The following FAM13A variants were observed in gnomAD, a reference collection of about 807,000 sequenced individuals.
The protein encoded by FAM13A is family with sequence similarity 13 member A, also known as protein FAM13A.
In FAM13A, 76 loss-of-function variants were observed where a neutral mutation model predicts 129.6. The observed-to-expected ratio is 0.59, with a 90% CI of 0.49 to 0.71. FAM13A has a LOEUF of 0.71. FAM13A is among the 30% of genes least tolerant of loss of function. The pLI is 0.00. For missense variants in FAM13A, 1,108 were observed against 1,249.3 expected (o/e 0.89, Z 1.70); for synonymous variants, 443 against 449.9 (o/e 0.98, Z 0.20).
chr4:88,913,243 GGAGGAAGAAGAA>G (rs1166277898), intron 5 of FAM13A, among the ~76,000 whole-genome samples: 38 of 133,570 alleles, frequency 2.8e-4, no homozygotes, highest in Admixed American at 3.8e-4. Context: ...AAGAGGAGGA[GGAGGAAGAAGAA>G]GAGGAAGAAG....
At chr4:89,009,340 A>G in intron 3 of FAM13A, among the ~76,000 whole-genome samples, 1 of 152,208 alleles carries the variant, frequency 6.6e-6, no homozygotes, top group East Asian at 1.9e-4. Context: ...ACCCAAAGGT[A>G]CCAGAGATAA....
At chr4:89,050,208 C>CT (rs199909318) in intron 1 of FAM13A, among the ~76,000 whole-genome samples, 2,231 of 151,110 alleles carry the variant, frequency 0.015, 58 homozygotes, top group African/African-American at 0.051. Flanking sequence ...TTCCTCTTCT[C>CT]TTTTTTTTTC....
intron 4 of FAM13A, among the ~76,000 whole-genome samples, chr4:88,951,791 T>C (rs1459168719): frequency 6.6e-6 from 1 of 152,284 alleles, no homozygotes; most frequent in East Asian, 1.9e-4. Context: ...ATCACAGCAT[T>C]TATTAGAGTC....
At chr4:88,737,699 C>T (rs1264106758) in intron 20 of FAM13A, 144 bp from the exon 21 acceptor site, 2 of 697,152 alleles carry the variant, frequency 2.9e-6, no homozygotes, top group African/African-American at 3.7e-5. Context: ...CCAGGAAAAC[C>T]TGAAACAACA....
At chr4:89,000,499 T>A (rs781740491) in intron 3 of FAM13A, among the ~76,000 whole-genome samples, 2 of 152,148 alleles carry the variant, frequency 1.3e-5, no homozygotes, top group Non-Finnish European at 2.9e-5. Context: ...TAGACTGGTC[T>A]TTGCCTAAGG....
chr4:88,814,847 T>C (rs1730397446), intron 7 of FAM13A, among the ~76,000 whole-genome samples: 1 of 151,968 alleles, frequency 6.6e-6, no homozygotes, highest in South Asian at 2.1e-4. Flanking sequence ...TCTGAAGTCT[T>C]TTTTTTGGGG....
chr4:88,921,977 G>A (rs1485208562), intron 5 of FAM13A, among the ~76,000 whole-genome samples: 1 of 151,842 alleles, frequency 6.6e-6, no homozygotes, highest in African/African-American at 2.4e-5. Context: ...ATGGTAAAGG[G>A]ATCAATTCAA....
intron 3 of FAM13A, among the ~76,000 whole-genome samples, chr4:88,992,072 C>G (rs986090369): frequency 6.6e-6 from 1 of 152,160 alleles, no homozygotes; most frequent in Non-Finnish European, 1.5e-5. Context: ...ATTTTCCACC[C>G]ACTGACTGCT....
intron 8 of FAM13A, among the ~76,000 whole-genome samples, chr4:88,795,801 T>C (rs1249031509): frequency 6.6e-6 from 1 of 151,852 alleles, no homozygotes; most frequent in Non-Finnish European, 1.5e-5. Flanking sequence ...ATTTATATAA[T>C]GCAGAAAATT....
intron 7 of FAM13A, among the ~76,000 whole-genome samples, chr4:88,849,739 C>A (rs2149979563): frequency 6.6e-6 from 1 of 152,234 alleles, no homozygotes; most frequent in South Asian, 2.1e-4. Context: ...CTCTGCATCT[C>A]CAGTCTTAAA....
chr4:88,898,928 C>A (rs1283046825), intron 6 of FAM13A, among the ~76,000 whole-genome samples: 2 of 151,694 alleles, frequency 1.3e-5, no homozygotes, highest in Non-Finnish European at 2.9e-5. Context: ...AGGTATCTAC[C>A]CAAAGGAAAA....
intron 5 of FAM13A, among the ~76,000 whole-genome samples, chr4:88,912,206 GA>G (rs1326777262): frequency 7.6e-6 from 1 of 131,246 alleles, no homozygotes; most frequent in Non-Finnish European, 1.7e-5. Context: ...GCTGGTATTT[GA>G]ATCAATGGGC....
intron 3 of FAM13A, among the ~76,000 whole-genome samples, chr4:88,996,647 A>G (rs1206533827): frequency 6.6e-6 from 1 of 152,196 alleles, no homozygotes; most frequent in Non-Finnish European, 1.5e-5. Context: ...TAACAGGGCT[A>G]GGGGAATTCG....
chr4:88,750,441 G>A lies in FAM13A; in HGVS notation c.1923C>T (p.Asn641=). ...DDTEVPPSPP[N]SHSFMRRRSS... is the part of the protein sequence containing the mutation. The stretch of plus-strand genomic sequence containing the variant: ...AAACATACCTCATGAAAGAATGGGA[G>A]TTTGGTGGGGAAGGAGGCACTTCTG... The change falls in exon 15 of 24, where the codon AAC becomes AAT. Residue 641 remains asparagine (N), a synonymous_variant. Coordinates refer to ENST00000264344, the MANE Select transcript of FAM13A (RefSeq NM_014883.4). The A allele has an allele frequency of 4.3e-6, 7 of 1,613,848 alleles. No individual in the cohort carries two copies. The highest frequency in any genetic ancestry group is 5.9e-6 in the Non-Finnish European group (7 of 1,179,696).
chr4:88,782,226 A>G (rs1402917942), intron 10 of FAM13A, among the ~76,000 whole-genome samples: 3 of 152,058 alleles, frequency 2.0e-5, no homozygotes, highest in African/African-American at 4.8e-5. Context: ...TGTTCATAAA[A>G]CAGTTTTAAG....
At chr4:88,958,070 G>GT (rs1758029809) in intron 4 of FAM13A, among the ~76,000 whole-genome samples, 1 of 144,922 alleles carries the variant, frequency 6.9e-6, no homozygotes, top group African/African-American at 2.5e-5. Context: ...GCGTCAGAGG[G>GT]AAAAAAAAAA....
At chr4:88,855,791 T>C (rs1738383713) in intron 6 of FAM13A, 1 of 152,072 alleles carries the variant, frequency 6.6e-6, no homozygotes, top group Non-Finnish European at 1.5e-5. Flanking sequence ...CATTAAAATA[T>C]CATGCCTCAA....
intron 4 of FAM13A, among the ~76,000 whole-genome samples, chr4:88,960,844 C>T (rs1306105176): frequency 6.6e-6 from 1 of 152,110 alleles, no homozygotes; most frequent in East Asian, 1.9e-4. Context: ...ATTGTGCAAA[C>T]CCTAACAAAA....
chr4:88,774,376 T>C (rs1243649396), intron 11 of FAM13A, among the ~76,000 whole-genome samples: 1 of 152,216 alleles, frequency 6.6e-6, no homozygotes, highest in Non-Finnish European at 1.5e-5. Context: ...GATCACATTG[T>C]GTCCTTAGTG....
Sources: gnomAD v4.1 joint callset for allele counts (sites outside exome capture counted in the v4.1 genomes callset) on GRCh38, gnomAD v4.1.1 for gene constraint, MANE v1.5 for transcripts, NCBI Gene and HGNC (gene_info 2026-07-23, HGNC 2026-07-21) for gene names.